Variants in TRPC5 observed in about 807,000 individuals in gnomAD.
The protein encoded by TRPC5 is transient receptor potential cation channel subfamily C member 5.
TRPC5 carries 9 observed loss-of-function variants against 56.5 expected under a neutral mutation model. The ratio of observed to expected loss-of-function variants is 0.16; its 90% CI spans 0.10 to 0.28. The LOEUF (loss-of-function observed/expected upper bound fraction) is 0.28. TRPC5 is among the 10% of genes least tolerant of loss of function. The pLI is 1.00. For synonymous variants in TRPC5, 282 were observed against 278.5 expected (o/e 1.01, Z -0.13); for missense variants, 469 against 748.9 (o/e 0.63, Z 4.36).
chrX:112,056,592 G>A (rs1242013866), intron 1 of TRPC5, among the ~76,000 whole-genome samples: 5 of 112,151 alleles, frequency 4.5e-5, no homozygotes, highest in Non-Finnish European at 9.4e-5. Context: ...GTCCTTTCCA[G>A]CCATAGCACC....
intron 2 of TRPC5, among the ~76,000 whole-genome samples, chrX:111,934,873 A>T (rs935253395): frequency 3.6e-5 from 4 of 112,443 alleles, no homozygotes; most frequent in African/African-American, 1.3e-4. Context: ...TCATCTGTTG[A>T]TCGACAAGTT....
chrX:112,050,171 AAAC>A (rs1246592131), intron 1 of TRPC5, among the ~76,000 whole-genome samples: 2 of 107,626 alleles, frequency 1.9e-5, no homozygotes, highest in Admixed American at 9.7e-5. Context: ...TCCATCTCAA[AAAC>A]AACAACAAAA....
intron 7 of TRPC5, among the ~76,000 whole-genome samples, chrX:111,798,635 G>A (rs1188235837): frequency 1.8e-5 from 2 of 111,066 alleles, no homozygotes; most frequent in Non-Finnish European, 3.8e-5. Context: ...AATGAATTCA[G>A]CATAAGGACC....
intron 1 of TRPC5, among the ~76,000 whole-genome samples, chrX:112,068,681 A>G (rs1027534469): frequency 9.0e-6 from 1 of 111,355 alleles, no homozygotes; most frequent in Non-Finnish European, 1.9e-5. Flanking sequence ...GGAACACTCT[A>G]TTCTGAGTAC....
intron 3 of TRPC5, among the ~76,000 whole-genome samples, chrX:111,872,723 A>T (rs148469321): frequency 1.3e-3 from 145 of 112,098 alleles, no homozygotes; most frequent in African/African-American, 4.6e-3. Context: ...CTCAAAAGAA[A>T]ACATACAAGT....
intron 2 of TRPC5, 124 bp downstream of exon 2, chrX:111,951,919 C>T: frequency 9.8e-7 from 1 of 1,023,139 alleles, no homozygotes; most frequent in African/African-American, 1.9e-5. Flanking sequence ...CCTGAGATCA[C>T]TGGTGCAATT....
chrX:111,954,605 C>G (rs1327981242), intron 1 of TRPC5, among the ~76,000 whole-genome samples: 1 of 111,885 alleles, frequency 8.9e-6, no homozygotes, highest in Non-Finnish European at 1.9e-5. Context: ...AGCTCATAAT[C>G]TTGGTATCCT....
chrX:111,940,101 A>G (rs1416938967), intron 2 of TRPC5, among the ~76,000 whole-genome samples: 1 of 111,825 alleles, frequency 8.9e-6, no homozygotes, highest in Non-Finnish European at 1.9e-5. Flanking sequence ...CATTTCTTTC[A>G]AAAAATTTAA....
chrX:111,822,460 C>T (rs1922063644), intron 7 of TRPC5, among the ~76,000 whole-genome samples: 1 of 111,936 alleles, frequency 8.9e-6, no homozygotes, highest in Non-Finnish European at 1.9e-5. Flanking sequence ...TTTTCTTGTT[C>T]ATGTTCATCA....
chrX:111,914,660 T>C (rs920981515), intron 2 of TRPC5, among the ~76,000 whole-genome samples: 3 of 112,079 alleles, frequency 2.7e-5, no homozygotes, highest in Non-Finnish European at 5.6e-5. Flanking sequence ...CTGTTAAACA[T>C]TTAGAGGGAG....
intron 1 of TRPC5, among the ~76,000 whole-genome samples, chrX:112,021,206 C>G (rs757672646): frequency 1.0e-4 from 11 of 110,497 alleles, no homozygotes; most frequent in Non-Finnish European, 2.1e-4. Flanking sequence ...TTCTGTCTTC[C>G]CCATCCTTAC....
At chrX:111,865,317 G>A (rs887691903) in intron 3 of TRPC5, among the ~76,000 whole-genome samples, 5 of 105,884 alleles carry the variant, frequency 4.7e-5, no homozygotes, top group Non-Finnish European at 7.7e-5. Context: ...CACTGTGCCC[G>A]GCCTCTAGCA....
intron 2 of TRPC5, 124 bp from the exon 3 acceptor site, chrX:111,912,936 C>G: frequency 1.4e-6 from 1 of 700,728 alleles, no homozygotes; most frequent in Non-Finnish European, 2.1e-6. Flanking sequence ...TTCTTTTGAC[C>G]TCCTAAACCT....
chrX:111,798,727 G>A (rs60281566), intron 7 of TRPC5, among the ~76,000 whole-genome samples: 12,797 of 111,195 alleles, frequency 0.12, 1,826 homozygotes, highest in African/African-American at 0.4. Context: ...TGCACTTTTT[G>A]CAAAATACCT....
chrX:111,868,582 A>C (rs1923618172), intron 3 of TRPC5, among the ~76,000 whole-genome samples: 2 of 112,332 alleles, frequency 1.8e-5, no homozygotes, highest in South Asian at 7.3e-4. Context: ...AGTAATTGGC[A>C]ATGAGTTATG....
chrX:112,050,213 T>A (rs1203589561), intron 1 of TRPC5, among the ~76,000 whole-genome samples: 1 of 110,618 alleles, frequency 9.0e-6, no homozygotes, highest in Non-Finnish European at 1.9e-5. Context: ...AAACAAAGGC[T>A]GTGAGAAGTG....
intron 1 of TRPC5, among the ~76,000 whole-genome samples, chrX:112,037,846 G>A (rs185930406): frequency 3.6e-5 from 4 of 111,799 alleles, no homozygotes; most frequent in African/African-American, 1.3e-4. Context: ...TAATCTAACT[G>A]GGCCAACCTT....
intron 10 of TRPC5, among the ~76,000 whole-genome samples, chrX:111,777,383 T>C (rs1945887292): frequency 9.0e-6 from 1 of 110,955 alleles, no homozygotes; most frequent in African/African-American, 3.3e-5. Flanking sequence ...TTTAAGACTC[T>C]AACGAGTGAA....
chrX:112,073,588 T>C (rs755686740), intron 1 of TRPC5, among the ~76,000 whole-genome samples: 1 of 111,553 alleles, frequency 9.0e-6, no homozygotes, highest in African/African-American at 3.3e-5. Context: ...AAAATTGTTA[T>C]ATCTGTGACT....
Sources: gnomAD v4.1 joint callset for allele counts (sites outside exome capture counted in the v4.1 genomes callset) on GRCh38, gnomAD v4.1.1 for gene constraint, MANE v1.5 for transcripts, NCBI Gene and HGNC (gene_info 2026-07-23, HGNC 2026-07-21) for gene names.